Variants in DNAJC6 observed in about 807,000 individuals in gnomAD.
The protein encoded by DNAJC6 is DnaJ heat shock protein family (Hsp40) member C6, also known as auxilin.
In DNAJC6, 34 loss-of-function variants were observed where a neutral mutation model predicts 110.0. The ratio of observed to expected loss-of-function variants is 0.31; its 90% CI spans 0.24 to 0.41. The LOEUF (loss-of-function observed/expected upper bound fraction) is 0.41. Among genes scored for constraint, DNAJC6 ranks in the 10% least tolerant of loss-of-function variants. DNAJC6 has a pLI of 1.00. For missense variants in DNAJC6, 1,031 were observed against 1,207.8 expected, an observed-to-expected ratio of 0.85 and a Z score of 2.17; for synonymous variants, 406 against 437.2, an observed-to-expected ratio of 0.93 and a Z score of 0.89.
intron 1 of DNAJC6, among the ~76,000 whole-genome samples, chr1:65,274,671 C>T (rs1276400053): frequency 7.0e-6 from 1 of 143,638 alleles, no homozygotes; most frequent in African/African-American, 2.6e-5. Flanking sequence ...TTAGAAGCAG[C>T]CATAAGTGAA....
rs1464910064 is a variant in DNAJC6 at position 65,398,721 on chromosome 1, T to A, written c.2039-92T>A. On this transcript the variant is annotated intron_variant, in intron 13 of 18. Coordinates refer to ENST00000371069, the MANE Select transcript of DNAJC6 (RefSeq NM_001256864.2). ...GGGATCTTGCTGGGGCCATGCAGGCTTCAGGGATGGAATGGCATTATCCTG... is the reference window on the plus strand; with the variant it reads ...GGGATCTTGCTGGGGCCATGCAGGCATCAGGGATGGAATGGCATTATCCTG... 14 of 1,338,456 alleles carry A rather than the reference T, an allele frequency of 1.0e-5. No homozygotes were observed. In the South Asian group the frequency reaches 1.7e-4, roughly 16 times the overall value. 82.9% of individuals were successfully genotyped at this position (1,338,456 alleles called of 1,614,324 possible). A position where few individuals can be genotyped will look rare whatever the true frequency, so the allele number is the denominator to read the frequency against.
chr1:65,331,659 C>G (rs1261022150), intron 1 of DNAJC6, among the ~76,000 whole-genome samples: 2 of 152,128 alleles, frequency 1.3e-5, no homozygotes, highest in African/African-American at 4.8e-5. Context: ...AATAACCAGA[C>G]ATTTCTAATT....
At chr1:65,362,667 C>T (rs1010679162) in intron 1 of DNAJC6, among the ~76,000 whole-genome samples, 1 of 152,192 alleles carries the variant, frequency 6.6e-6, no homozygotes, top group African/African-American at 2.4e-5. Context: ...GAAAGACTGA[C>T]TTCCAGGGTC....
chr1:65,412,878 A>T, intron 18 of DNAJC6, 46 bp from the exon 19 acceptor site: 1 of 1,491,010 alleles, frequency 6.7e-7, no homozygotes, highest in Non-Finnish European at 9.2e-7. Flanking sequence ...ATATTAATGA[A>T]ATTTTGGTCT....
chr1:65,288,842 T>C (rs769852986), intron 1 of DNAJC6, among the ~76,000 whole-genome samples: 2 of 152,230 alleles, frequency 1.3e-5, no homozygotes, highest in Non-Finnish European at 2.9e-5. Flanking sequence ...GTGGTAGTTG[T>C]AGTTCATTCT....
chr1:65,359,951 C>T (rs935691542), intron 1 of DNAJC6, among the ~76,000 whole-genome samples: 1 of 152,148 alleles, frequency 6.6e-6, no homozygotes, highest in Non-Finnish European at 1.5e-5. Flanking sequence ...AATGTAAAAG[C>T]CATTGTTATT....
At chr1:65,307,922 G>C (rs557079301), upstream of DNAJC6, among the ~76,000 whole-genome samples, 4 of 152,186 alleles carry the variant, frequency 2.6e-5, no homozygotes, top group Non-Finnish European at 5.9e-5. Context: ...CCTCATCAAA[G>C]AATGCAGTTG....
intron 1 of DNAJC6, among the ~76,000 whole-genome samples, chr1:65,314,027 A>T (rs1248877933): frequency 6.6e-6 from 1 of 152,204 alleles, no homozygotes; most frequent in Non-Finnish European, 1.5e-5. Context: ...CAAGTTCATA[A>T]TGACAAACTG....
At chr1:65,368,744 C>CTTCTT in intron 4 of DNAJC6, among the ~76,000 whole-genome samples, 1 of 134 alleles carries the variant, frequency 7.5e-3, no homozygotes, top group African/African-American at 0.033. Context: ...CTTCCCCCTC[C>CTTCTT]CCTCCCCTCC....
At chr1:65,278,847 C>T (rs1443144160) in intron 1 of DNAJC6, 1 of 528,594 alleles carries the variant, frequency 1.9e-6, no homozygotes, top group Non-Finnish European at 2.4e-6. Context: ...TTTCCTAACT[C>T]ATTGATCAGG....
At chr1:65,402,032 C>A in intron 15 of DNAJC6, 152 bp downstream of exon 15, 2 of 1,126,790 alleles carry the variant, frequency 1.8e-6, no homozygotes, top group Non-Finnish European at 1.2e-6. Context: ...CTGAGATTGG[C>A]TTTTTAAAAA....
intron 15 of DNAJC6, among the ~76,000 whole-genome samples, chr1:65,403,460 C>T (rs1646047517): frequency 6.6e-6 from 1 of 152,198 alleles, no homozygotes; most frequent in African/African-American, 2.4e-5. Context: ...CCTCATTTCA[C>T]AGGTATTTTT....
intron 1 of DNAJC6, among the ~76,000 whole-genome samples, chr1:65,355,319 A>G (rs1187562629): frequency 6.6e-6 from 1 of 150,808 alleles, no homozygotes. Flanking sequence ...CTGGCACTTT[A>G]TTGCAGTACA....
chr1:65,300,214 A>G (rs1055404450), intron 1 of DNAJC6, among the ~76,000 whole-genome samples: 7 of 152,104 alleles, frequency 4.6e-5, no homozygotes, highest in Non-Finnish European at 7.4e-5. Context: ...AGAGGTAATC[A>G]GTCTAGGGTT....
At chr1:65,378,792 C>T (rs538718729) in intron 4 of DNAJC6, among the ~76,000 whole-genome samples, 2 of 152,234 alleles carry the variant, frequency 1.3e-5, no homozygotes, top group South Asian at 2.1e-4. Context: ...ATATTAATAC[C>T]TGTCTTAGAT....
intron 6 of DNAJC6, among the ~76,000 whole-genome samples, chr1:65,384,932 A>C (rs1328402169): frequency 6.6e-6 from 1 of 152,210 alleles, no homozygotes; most frequent in African/African-American, 2.4e-5. Context: ...CTTATATCCA[A>C]CTTCCCTCAT....
chr1:65,318,436 A>G (rs979846667), intron 1 of DNAJC6, among the ~76,000 whole-genome samples: 31 of 152,198 alleles, frequency 2.0e-4, no homozygotes, highest in African/African-American at 6.8e-4. Flanking sequence ...CAGCTGTGTG[A>G]AGGATGAATC....
intron 18 of DNAJC6, among the ~76,000 whole-genome samples, chr1:65,411,735 C>A (rs563455602): frequency 3.3e-5 from 5 of 150,526 alleles, no homozygotes; most frequent in African/African-American, 1.2e-4. Flanking sequence ...TTGGGGGGGG[C>A]AGGGTAGGCG....
At chr1:65,398,471 C>A (rs1645999811) in intron 13 of DNAJC6, among the ~76,000 whole-genome samples, 3 of 152,194 alleles carry the variant, frequency 2.0e-5, no homozygotes, top group Admixed American at 2.0e-4. Context: ...TAAGATAGTT[C>A]TTTCCTGACT....
Sources: gnomAD v4.1 joint callset for allele counts (sites outside exome capture counted in the v4.1 genomes callset) on GRCh38, gnomAD v4.1.1 for gene constraint, MANE v1.5 for transcripts, NCBI Gene and HGNC (gene_info 2026-07-23, HGNC 2026-07-21) for gene names.